Variants in STXBP5L observed in about 807,000 individuals in gnomAD.
STXBP5L encodes the protein syntaxin binding protein 5L.
Under a neutral mutation model 144.5 loss-of-function variants are expected in STXBP5L, and 65 were observed. That is an observed-to-expected ratio of 0.45 (90% CI 0.37 to 0.55). The LOEUF is 0.55. Ranked by LOEUF, STXBP5L falls within the 20% of genes least tolerant of loss-of-function variation. The probability of loss-of-function intolerance (pLI) is 0.00; values close to 1 mark genes in which losing one functional copy is unlikely to be tolerated. For synonymous variants in STXBP5L, 505 were observed against 469.6 expected (o/e 1.08, Z -0.97); for missense variants, 1,298 against 1,405.5 (o/e 0.92, Z 1.22).
chr3:121,206,320 G>C (rs1021248650), intron 10 of STXBP5L, among the ~76,000 whole-genome samples: 3 of 152,092 alleles, frequency 2.0e-5, no homozygotes, highest in Non-Finnish European at 4.4e-5. Flanking sequence ...CAATGTGCCC[G>C]TTAATATTGC....
In STXBP5L at chr3:121,087,572, A is replaced by G. The variant is rs1334873558; in HGVS notation, c.471-27353A>G. ...AAAGTTAGCTATGTTAATATATTCA[A>G]AGTGTATTTCTTATAGACAAGCGTA... On this transcript the variant is annotated intron_variant, in intron 5 of 26. Transcript: ENST00000471454. Among the ~76,000 whole-genome samples, 8 of 152,154 alleles carry G rather than the reference A, an allele frequency of 5.3e-5. No individual in the cohort carries two copies. In the South Asian group the frequency reaches 1.2e-3, roughly 24 times the overall value.
intron 6 of STXBP5L, among the ~76,000 whole-genome samples, chr3:121,115,389 A>C (rs1481272500): frequency 6.6e-6 from 1 of 152,168 alleles, no homozygotes; most frequent in African/African-American, 2.4e-5. Flanking sequence ...GAATTGTGTT[A>C]TGTAAAAATA....
chr3:121,131,210 C>G (rs1275192845), intron 7 of STXBP5L, among the ~76,000 whole-genome samples: 1 of 152,222 alleles, frequency 6.6e-6, no homozygotes, highest in Non-Finnish European at 1.5e-5. Flanking sequence ...GGAAATCATA[C>G]TAAAACTAAG....
intron 9 of STXBP5L, among the ~76,000 whole-genome samples, chr3:121,202,770 G>A (rs1044011205): frequency 6.6e-6 from 1 of 151,812 alleles, no homozygotes; most frequent in African/African-American, 2.4e-5. Flanking sequence ...AAAGTTAGCT[G>A]TTAATCTTAA....
At chr3:121,282,426 TA>T in intron 19 of STXBP5L, 1 of 1,247,486 alleles carries the variant, frequency 8.0e-7, no homozygotes, top group Non-Finnish European at 1.1e-6. Context: ...ATGTGTTTCT[TA>T]AAACACATTC....
chr3:121,259,315 AT>A, intron 18 of STXBP5L, 147 bp downstream of exon 18: 1 of 601,256 alleles, frequency 1.7e-6, no homozygotes, highest in Non-Finnish European at 2.4e-6. Context: ...AATAATTTAA[AT>A]TTACATTATG....
chr3:121,279,828 G>T lies in STXBP5L; in HGVS notation c.1982G>T (p.Gly661Val), dbSNP rs1347659695. Residue 661 changes from glycine to valine, a missense_variant, in exon 19 of 27, where the codon GGG becomes GTG. Gly to Val is a moderately radical substitution (Grantham distance 109). Transcript: ENST00000471454. ...AGAGTTGCATTTGGGAACTGCAATG[G>T]GTTGGCTGTGGTGGATTTTATACAG... ...YGIVAFGNCN[G>V]LAVVDFIQKT... 2 of 1,612,268 alleles carry T rather than the reference G, an allele frequency of 1.2e-6. No homozygotes were observed. Among genetic ancestry groups the T allele is most frequent in the Non-Finnish European group, 1.7e-6 (2 of 1,178,734 alleles).
intron 19 of STXBP5L, chr3:121,282,353 G>C: frequency 1.9e-6 from 3 of 1,608,390 alleles, no homozygotes; most frequent in East Asian, 2.2e-5. Context: ...TTATATAAAG[G>C]TTAGGCAAAT....
chr3:121,315,384 G>A (rs1391395988), intron 19 of STXBP5L, among the ~76,000 whole-genome samples: 2 of 149,120 alleles, frequency 1.3e-5, no homozygotes. Context: ...CTATCGCAAG[G>A]ACAAAAAACC....
intron 3 of STXBP5L, among the ~76,000 whole-genome samples, chr3:120,970,206 A>G (rs1038195375): frequency 6.6e-6 from 1 of 152,062 alleles, no homozygotes; most frequent in Non-Finnish European, 1.5e-5. Context: ...CTTCATACTC[A>G]AGATGTAAAT....
intron 5 of STXBP5L, among the ~76,000 whole-genome samples, chr3:121,090,045 C>T (rs537603960): frequency 6.6e-6 from 1 of 152,112 alleles, no homozygotes; most frequent in Non-Finnish European, 1.5e-5. Flanking sequence ...ATTCTAATAT[C>T]TATGTCATCT....
At chr3:120,931,465 T>G (rs1489171127) in intron 2 of STXBP5L, among the ~76,000 whole-genome samples, 2 of 152,160 alleles carry the variant, frequency 1.3e-5, no homozygotes, top group East Asian at 3.8e-4. Context: ...TTGATGTTGG[T>G]TTTCTGTGAA....
At chr3:121,079,255 G>C (rs1306655564) in intron 5 of STXBP5L, among the ~76,000 whole-genome samples, 1 of 152,274 alleles carries the variant, frequency 6.6e-6, no homozygotes, top group Non-Finnish European at 1.5e-5. Flanking sequence ...ATGTGAGGCA[G>C]GAAGTGAGTT....
chr3:121,385,685 TC>T (rs1280247526), intron 22 of STXBP5L, among the ~76,000 whole-genome samples: 1 of 152,200 alleles, frequency 6.6e-6, no homozygotes, highest in Non-Finnish European at 1.5e-5. Context: ...TCCCTTTTAC[TC>T]ACTGCCTTCA....
intron 5 of STXBP5L, among the ~76,000 whole-genome samples, chr3:121,080,621 T>G (rs998191331): frequency 4.6e-5 from 7 of 152,232 alleles, no homozygotes; most frequent in African/African-American, 1.7e-4. Flanking sequence ...CTGACAATTA[T>G]TTTGTTTAAG....
chr3:121,046,034 G>A (rs1043002989), intron 5 of STXBP5L, among the ~76,000 whole-genome samples: 4 of 152,114 alleles, frequency 2.6e-5, no homozygotes, highest in African/African-American at 9.7e-5. Flanking sequence ...TTTGAAATAT[G>A]TTCCTTTAAT....
intron 19 of STXBP5L, among the ~76,000 whole-genome samples, chr3:121,294,815 G>A (rs2051584722): frequency 6.6e-6 from 1 of 152,166 alleles, no homozygotes; most frequent in African/African-American, 2.4e-5. Context: ...CCTGGGGAAT[G>A]TTTCAAGAAG....
At chr3:121,123,697 A>G (rs1352605250) in intron 7 of STXBP5L, among the ~76,000 whole-genome samples, 2 of 151,796 alleles carry the variant, frequency 1.3e-5, no homozygotes, top group Non-Finnish European at 3.0e-5. Flanking sequence ...TAATGTGGCA[A>G]TTGTTTAATT....
chr3:120,932,639 C>T (rs941648137), intron 2 of STXBP5L, among the ~76,000 whole-genome samples: 11 of 152,158 alleles, frequency 7.2e-5, no homozygotes, highest in East Asian at 1.9e-4. Flanking sequence ...GTCAGTGTGG[C>T]GATTCCTCAG....
Sources: allele counts gnomAD v4.1 joint callset (sites outside exome capture counted in the v4.1 genomes callset), GRCh38; gene constraint gnomAD v4.1.1; transcripts MANE v1.5; gene names NCBI Gene and HGNC (gene_info 2026-07-23, HGNC 2026-07-21).